Variants in TAS2R1 observed in about 807,000 individuals in gnomAD.
TAS2R1 encodes the protein taste receptor type 2 member 1.
For missense variants in TAS2R1, 370 were observed against 353.4 expected, an observed-to-expected ratio of 1.05 and a Z score of -0.38; for synonymous variants, 141 against 134.2, an observed-to-expected ratio of 1.05 and a Z score of -0.35.
intron 1 of TAS2R1, among the ~76,000 whole-genome samples, chr5:9,669,177 C>T (rs1740702268): frequency 6.6e-6 from 1 of 152,096 alleles, no homozygotes; most frequent in Admixed American, 6.6e-5. Flanking sequence ...AGGGGAATGA[C>T]AGAATGGTAA....
the TAS2R1 span, among the ~76,000 whole-genome samples, chr5:9,856,600 C>T: frequency 6.6e-6 from 1 of 152,162 alleles, no homozygotes; most frequent in African/African-American, 2.4e-5. Flanking sequence ...TTTATGGTCA[C>T]CCAAGACCAG....
At chr5:9,818,576 G>A in the TAS2R1 span, among the ~76,000 whole-genome samples, 1 of 152,176 alleles carries the variant, frequency 6.6e-6, no homozygotes, top group Non-Finnish European at 1.5e-5. Context: ...TGGGTGACTG[G>A]GCAATGTCTC....
At chr5:9,827,757 T>C in the TAS2R1 span, among the ~76,000 whole-genome samples, 1 of 152,198 alleles carries the variant, frequency 6.6e-6, no homozygotes, top group South Asian at 2.1e-4. Context: ...CATTCCAGCC[T>C]GGGTGACAGA....
chr5:9,860,808 T>G, the TAS2R1 span, among the ~76,000 whole-genome samples: 5 of 152,198 alleles, frequency 3.3e-5, no homozygotes, highest in Admixed American at 3.3e-4. Context: ...AGCCACTGGA[T>G]GGCTGCAGCC....
chr5:9,707,701 C>G (rs1741645895), intron 1 of TAS2R1, among the ~76,000 whole-genome samples: 1 of 151,774 alleles, frequency 6.6e-6, no homozygotes, highest in Admixed American at 6.6e-5. Context: ...CAAAACAACA[C>G]AAAACAAAAA....
chr5:9,672,089 T>C (rs1430196174), intron 1 of TAS2R1, among the ~76,000 whole-genome samples: 1 of 152,176 alleles, frequency 6.6e-6, no homozygotes, highest in Non-Finnish European at 1.5e-5. Context: ...ATTAGCCATA[T>C]GTAGAAGATT....
At chr5:9,742,613 T>C in the TAS2R1 span, among the ~76,000 whole-genome samples, 1 of 152,196 alleles carries the variant, frequency 6.6e-6, no homozygotes, top group Non-Finnish European at 1.5e-5. Context: ...CAATCCAAGG[T>C]TTAGTGCTGA....
At chr5:9,847,063 C>T in the TAS2R1 span, among the ~76,000 whole-genome samples, 202 of 152,336 alleles carry the variant, frequency 1.3e-3, no homozygotes, top group African/African-American at 4.5e-3. Flanking sequence ...ACAGCTCACC[C>T]TCTAGCAAGT....
At chr5:9,769,822 T>A in the TAS2R1 span, among the ~76,000 whole-genome samples, 1 of 152,222 alleles carries the variant, frequency 6.6e-6, no homozygotes. Context: ...TAATCCCTTG[T>A]CAGATGGATA....
the TAS2R1 span, among the ~76,000 whole-genome samples, chr5:9,804,612 C>T: frequency 6.6e-6 from 1 of 152,088 alleles, no homozygotes; most frequent in African/African-American, 2.4e-5. Context: ...CATGCAAATA[C>T]ATGGAAATTA....
At chr5:9,733,839 A>G in the TAS2R1 span, among the ~76,000 whole-genome samples, 1 of 152,174 alleles carries the variant, frequency 6.6e-6, no homozygotes, top group African/African-American at 2.4e-5. Flanking sequence ...AAAGAAAAAA[A>G]AAATTCTAAA....
the TAS2R1 span, among the ~76,000 whole-genome samples, chr5:9,829,047 G>A: frequency 2.0e-5 from 3 of 152,210 alleles, no homozygotes; most frequent in African/African-American, 7.2e-5. Context: ...CTCCTGCATA[G>A]CATGGATGAT....
chr5:9,815,682 CA>C, the TAS2R1 span, among the ~76,000 whole-genome samples: 84 of 139,512 alleles, frequency 6.0e-4, no homozygotes, highest in Admixed American at 8.5e-4. Flanking sequence ...GATCCCTGAC[CA>C]AAAAAAAAAA....
chr5:9,815,435 T>C, the TAS2R1 span, among the ~76,000 whole-genome samples: 53 of 152,298 alleles, frequency 3.5e-4, no homozygotes, highest in African/African-American at 1.2e-3. Flanking sequence ...AGATGATAGA[T>C]GATAGATAGA....
the TAS2R1 span, among the ~76,000 whole-genome samples, chr5:9,878,014 A>G: frequency 8.5e-5 from 13 of 152,302 alleles, no homozygotes; most frequent in South Asian, 2.5e-3. Flanking sequence ...ATGGGGTTGT[A>G]GCTACTATTT....
At chr5:9,650,626 G>A (rs1419047802) in intron 2 of TAS2R1, among the ~76,000 whole-genome samples, 1 of 152,064 alleles carries the variant, frequency 6.6e-6, no homozygotes, top group Non-Finnish European at 1.5e-5. Context: ...CCTTCTTCCA[G>A]AATCACATGG....
the TAS2R1 span, among the ~76,000 whole-genome samples, chr5:9,766,101 C>T: frequency 6.6e-6 from 1 of 152,168 alleles, no homozygotes; most frequent in Non-Finnish European, 1.5e-5. Context: ...TGCAGGAATA[C>T]AGCACAAAGC....
At chr5:9,724,217 GC>G in the TAS2R1 span, among the ~76,000 whole-genome samples, 6 of 152,056 alleles carry the variant, frequency 3.9e-5, no homozygotes, top group Non-Finnish European at 8.8e-5. Context: ...CATATTTGTG[GC>G]CCACCTTCCA....
At chr5:9,839,131 C>T in the TAS2R1 span, among the ~76,000 whole-genome samples, 3 of 152,328 alleles carry the variant, frequency 2.0e-5, no homozygotes, top group Admixed American at 2.0e-4. Flanking sequence ...GTAAAGAGGG[C>T]TCTGTGCTCA....
Sources: gnomAD v4.1 joint callset for allele counts (sites outside exome capture counted in the v4.1 genomes callset) on GRCh38, gnomAD v4.1.1 for gene constraint, MANE v1.5 for transcripts, NCBI Gene and HGNC (gene_info 2026-07-23, HGNC 2026-07-21) for gene names.